The following CSMD1 variants were observed in gnomAD, a reference collection of about 807,000 sequenced individuals.
CSMD1 encodes CUB and Sushi multiple domains 1.
A neutral mutation model predicts 417.5 loss-of-function variants in CSMD1; 213 were observed. The observed-to-expected ratio is 0.51, with a 90% CI of 0.46 to 0.57. CSMD1 has a LOEUF of 0.57. Ranked by LOEUF, CSMD1 falls within the 20% of genes least tolerant of loss-of-function variation. The probability of loss-of-function intolerance (pLI) is 0.00; values close to 1 mark genes in which losing one functional copy is unlikely to be tolerated. For missense variants in CSMD1, 6,923 were observed against 4,529.7 expected (o/e 1.53, Z -15.17); for synonymous variants, 2,862 against 1,736.8 (o/e 1.65, Z -16.11).
intron 3 of CSMD1, among the ~76,000 whole-genome samples, chr8:4,050,328 T>G (rs1424267356): frequency 2.0e-5 from 3 of 152,170 alleles, no homozygotes; most frequent in Non-Finnish European, 4.4e-5. Flanking sequence ...AGGAGGCTAG[T>G]TATACACAGA....
chr8:3,822,683 G>A (rs191088077), intron 5 of CSMD1, among the ~76,000 whole-genome samples: 103 of 152,184 alleles, frequency 6.8e-4, no homozygotes, highest in African/African-American at 2.3e-3. Context: ...TCACAGTCAC[G>A]GCAATGACTT....
chr8:3,748,676 G>C (rs1584940337), intron 6 of CSMD1, among the ~76,000 whole-genome samples: 1 of 152,316 alleles, frequency 6.6e-6, no homozygotes, highest in East Asian at 1.9e-4. Context: ...TTGGAGAATG[G>C]GGAATGCATA....
chr8:3,749,662 AAAG>A (rs1797230780), intron 6 of CSMD1, among the ~76,000 whole-genome samples: 1 of 152,250 alleles, frequency 6.6e-6, no homozygotes, highest in East Asian at 1.9e-4. Context: ...GCTGGAAAAC[AAAG>A]AAGTTTCTCA....
chr8:3,468,895 G>C, intron 11 of CSMD1, 71 bp from the exon 12 acceptor site: 2 of 1,020,530 alleles, frequency 2.0e-6, no homozygotes, highest in Non-Finnish European at 2.9e-6. Flanking sequence ...TGAAAGGAGG[G>C]TCTTGCTGCT....
chr8:3,971,013 A>G (rs1046208291), intron 5 of CSMD1, among the ~76,000 whole-genome samples: 9 of 152,240 alleles, frequency 5.9e-5, no homozygotes, highest in African/African-American at 1.9e-4. Context: ...AGACTCCCAA[A>G]GTACTGGGAT....
chr8:3,081,201 TA>T (rs896779158), intron 49 of CSMD1, among the ~76,000 whole-genome samples: 20 of 152,336 alleles, frequency 1.3e-4, no homozygotes, highest in Non-Finnish European at 1.9e-4. Context: ...GCTCATTTAC[TA>T]AAAGGTACCT....
intron 3 of CSMD1, among the ~76,000 whole-genome samples, chr8:4,108,429 T>G (rs1459108147): frequency 6.6e-6 from 1 of 152,196 alleles, no homozygotes; most frequent in African/African-American, 2.4e-5. Context: ...GACTGCCATG[T>G]TGTTCATCAT....
At chr8:3,218,046 G>T (rs183975673) in intron 29 of CSMD1, among the ~76,000 whole-genome samples, 1 of 152,192 alleles carries the variant, frequency 6.6e-6, no homozygotes, top group East Asian at 1.9e-4. Flanking sequence ...TATTCTGATG[G>T]ACCCAATAGC....
At chr8:3,578,205 G>A (rs753413839) in intron 9 of CSMD1, among the ~76,000 whole-genome samples, 2 of 152,150 alleles carry the variant, frequency 1.3e-5, no homozygotes, top group Non-Finnish European at 2.9e-5. Flanking sequence ...TAAAAAATTA[G>A]GTATTTGGAA....
intron 10 of CSMD1, among the ~76,000 whole-genome samples, chr8:3,552,652 G>A (rs73176984): frequency 6.6e-6 from 1 of 152,110 alleles, no homozygotes; most frequent in Admixed American, 6.5e-5. Context: ...CCTTTCTGTT[G>A]CAAGAGTATT....
intron 1 of CSMD1, chr8:4,788,344 A>G: frequency 2.0e-6 from 3 of 1,524,334 alleles, no homozygotes; most frequent in Non-Finnish European, 2.7e-6. Context: ...AACACTGCAT[A>G]TCCAGTTATC....
intron 4 of CSMD1, among the ~76,000 whole-genome samples, chr8:4,031,212 A>T (rs377683727): frequency 6.6e-6 from 1 of 152,192 alleles, no homozygotes; most frequent in Non-Finnish European, 1.5e-5. Flanking sequence ...TCCTGGTACC[A>T]ATCTATTGTA....
chr8:3,647,292 G>A (rs1797622582), intron 7 of CSMD1, among the ~76,000 whole-genome samples: 1 of 152,190 alleles, frequency 6.6e-6, no homozygotes, highest in Admixed American at 6.5e-5. Flanking sequence ...ACCACCCAAT[G>A]TCATGTGTGA....
chr8:4,045,649 A>G (rs2554557), intron 3 of CSMD1, among the ~76,000 whole-genome samples: 137,905 of 152,300 alleles, frequency 0.91, 62,646 homozygotes, highest in East Asian at 0.99. Context: ...GCTTGACAAG[A>G]TGGATTGTAG....
At chr8:4,628,720 G>A (rs757744478) in intron 2 of CSMD1, among the ~76,000 whole-genome samples, 1 of 151,626 alleles carries the variant, frequency 6.6e-6, no homozygotes, top group Non-Finnish European at 1.5e-5. Context: ...CTGACTCATG[G>A]GAAGCCATCT....
At chr8:4,126,739 A>C (rs1024433540) in intron 3 of CSMD1, among the ~76,000 whole-genome samples, 2 of 152,192 alleles carry the variant, frequency 1.3e-5, no homozygotes, top group Non-Finnish European at 2.9e-5. Context: ...TTGAAAAGCC[A>C]ACAAAAAAAT....
chr8:2,997,643 G>C (rs1270441804), intron 54 of CSMD1, among the ~76,000 whole-genome samples: 1 of 152,020 alleles, frequency 6.6e-6, no homozygotes, highest in Non-Finnish European at 1.5e-5. Flanking sequence ...ATAAATAATT[G>C]AAAATTTAAA....
At position 4,032,047 on chromosome 8, in the gene CSMD1, C is replaced by T. The variant is rs569320965; in HGVS notation, c.468G>A (p.Leu156=). 1.9e-6 allele frequency: 3 copies of T among 1,613,874 alleles called. No individual in the cohort carries two copies. The highest frequency in any genetic ancestry group is 1.7e-6 in the Non-Finnish European group (2 of 1,179,840). ...GNPGEILKGV[L]HGTRFNIGDK... is the part of the protein sequence containing the mutation. ...CTCCTATGTTGAATCTCGTTCCATG[C>T]AGAACTCCTTTCAGGATTTCTCCAG... The change falls in exon 4 of 70, where the codon CTG becomes CTA. Residue 156 remains leucine, a synonymous_variant. Transcript: ENST00000635120.
rs374360805 is a variant in CSMD1 at position 4,746,664 on chromosome 8, G to C, written c.86-109106C>G. ...CAACCTGGGCAGCACAAACTATGCAGTTCATTTATGCATCTGCTGCTGAGC... is the reference window on the plus strand; with the variant it reads ...CAACCTGGGCAGCACAAACTATGCACTTCATTTATGCATCTGCTGCTGAGC... On this transcript the variant is annotated intron_variant, in intron 1 of 69. Coordinates refer to ENST00000635120, the MANE Select transcript of CSMD1 (RefSeq NM_033225.6). Among the ~76,000 whole-genome samples, 3 of 152,172 alleles carry C rather than the reference G, an allele frequency of 2.0e-5. 1 individual carries two copies. The highest frequency in any genetic ancestry group is 7.2e-5 in the African/African-American group (3 of 41,468).
Sources: allele counts gnomAD v4.1 joint callset (sites outside exome capture counted in the v4.1 genomes callset), GRCh38; gene constraint gnomAD v4.1.1; transcripts MANE v1.5; gene names NCBI Gene and HGNC (gene_info 2026-07-23, HGNC 2026-07-21).